KATNIP: variants seen among roughly 807,000 people sequenced by gnomAD.
KATNIP encodes katanin-interacting protein.
Under a neutral mutation model 174.0 loss-of-function variants are expected in KATNIP, and 126 were observed. The ratio of observed to expected loss-of-function variants is 0.72; its 90% confidence interval spans 0.63 to 0.84. KATNIP has a LOEUF of 0.84. KATNIP is among the 40% of genes least tolerant of loss of function. The pLI is 0.00. For missense variants in KATNIP, 1,958 were observed against 2,109.7 expected (o/e 0.93, Z 1.41); for synonymous variants, 810 against 835.7 (o/e 0.97, Z 0.53).
chr16:27,602,947 A>G (rs953475834), intron 2 of KATNIP, among the ~76,000 whole-genome samples: 1 of 152,112 alleles, frequency 6.6e-6, no homozygotes, highest in African/African-American at 2.4e-5. Flanking sequence ...TGATCCTCTC[A>G]TCTCTGCCTC....
chr16:27,715,976 TAAA>T (rs34034289), intron 13 of KATNIP, among the ~76,000 whole-genome samples: 11 of 143,832 alleles, frequency 7.6e-5, no homozygotes, highest in African/African-American at 1.8e-4. Context: ...TACATTTATT[TAAA>T]AAAAAAAAAA....
intron 8 of KATNIP, among the ~76,000 whole-genome samples, chr16:27,690,845 C>T (rs1328272480): frequency 2.0e-5 from 3 of 152,222 alleles, no homozygotes; most frequent in Non-Finnish European, 2.9e-5. Context: ...CATCACCTAG[C>T]TCCAGCCGAT....
intron 1 of KATNIP, among the ~76,000 whole-genome samples, chr16:27,572,465 CTG>C (rs1180362754): frequency 1.3e-5 from 2 of 151,882 alleles, no homozygotes; most frequent in African/African-American, 4.8e-5. Context: ...ATCCTGGCCT[CTG>C]TTAGTCTACC....
At chr16:27,604,417 T>C (rs2075636137) in intron 2 of KATNIP, among the ~76,000 whole-genome samples, 1 of 152,172 alleles carries the variant, frequency 6.6e-6, no homozygotes, top group African/African-American at 2.4e-5. Flanking sequence ...AAATTTTTAG[T>C]ACAGACAGAG....
Position 27,740,762 on chromosome 16 carries a change from C to T in KATNIP, c.2465C>T (p.Thr822Ile), listed in dbSNP as rs2081074664. 1.9e-6 allele frequency: 3 copies of T among 1,613,978 alleles called. No individual in the cohort carries two copies. Among genetic ancestry groups the T allele is most frequent in the Non-Finnish European group, 8.5e-7 (1 of 1,180,040 alleles). ...PGWGTSRSVN[T>I]KERPQRATTK... ...TGGGGGACCAGCCGGAGTGTCAACA[C>T]CAAGGAGAGACCCCAGAGGGCAACC... The change falls in exon 15 of 28, where the codon ACC becomes ATC. Residue 822 changes from threonine to isoleucine, a missense_variant. By Grantham distance (89) the Thr-to-Ile change is moderately conservative (BLOSUM62 -1). Around this residue, in one of 3 missense-constraint regions of KATNIP, gnomAD observed 1,557 missense variants for 1,617.8 expected, o/e 0.96. Transcript: ENST00000261588.
At chr16:27,750,424 T>A (rs535730172) in intron 16 of KATNIP, 118 bp downstream of exon 16, 1 of 1,052,226 alleles carries the variant, frequency 9.5e-7, no homozygotes, top group African/African-American at 1.6e-5. Context: ...TCTTTCTTTT[T>A]TTTTTTTTTT....
chr16:27,633,863 A>G (rs79874587), intron 5 of KATNIP, among the ~76,000 whole-genome samples: 3,341 of 152,256 alleles, frequency 0.022, 140 homozygotes, highest in African/African-American at 0.077. Context: ...AAACCCAGTG[A>G]TCTTTCTGCC....
chr16:27,707,087 C>A (rs979858367), intron 12 of KATNIP, among the ~76,000 whole-genome samples: 1 of 152,182 alleles, frequency 6.6e-6, no homozygotes, highest in African/African-American at 2.4e-5. Context: ...GCGTTCCCAC[C>A]GTGTGGCAAT....
intron 6 of KATNIP, among the ~76,000 whole-genome samples, chr16:27,654,154 T>G (rs2077197672): frequency 6.6e-6 from 1 of 152,082 alleles, no homozygotes; most frequent in South Asian, 2.1e-4. Context: ...TTTTGAATTT[T>G]TAGTAGAGAT....
rs2082602161 is a variant in KATNIP at position 27,778,963 on chromosome 16, A to G, written c.*334A>G. ...GACCCTGACTCAGAACAGGACAATG[A>G]CGGGGTGGGGAGGCATCCCATCCAG... On this transcript the variant is annotated 3_prime_UTR_variant, in exon 28 of 28. Transcript: ENST00000261588. The G allele has an allele frequency of 1.5e-5, 4 of 259,956 alleles. No homozygotes were observed. Among genetic ancestry groups the G allele is most frequent in the Non-Finnish European group, 2.9e-5 (4 of 138,256 alleles). 16.1% of individuals were successfully genotyped at this position (259,956 alleles called of 1,614,324 possible). A position where few individuals can be genotyped will look rare whatever the true frequency, so the allele number is the denominator to read the frequency against.
intron 8 of KATNIP, chr16:27,687,422 G>A (rs1333717794): frequency 1.3e-5 from 2 of 151,854 alleles, no homozygotes; most frequent in Non-Finnish European, 1.5e-5. Flanking sequence ...CCTTTTGCTT[G>A]TACCCCATAA....
chr16:27,689,642 T>G (rs1035254771), intron 8 of KATNIP, among the ~76,000 whole-genome samples: 17 of 152,096 alleles, frequency 1.1e-4, no homozygotes, highest in Admixed American at 1.0e-3. Context: ...GCTTTAGAGA[T>G]GAGAAGAACA....
chr16:27,778,526 G>A (rs1408242685), intron 27 of KATNIP, 48 bp from the exon 28 acceptor site: 1 of 1,592,204 alleles, frequency 6.3e-7, no homozygotes, highest in Admixed American at 1.7e-5. Flanking sequence ...CACCCCTCCA[G>A]GGTTTGAGAC....
chr16:27,687,943 C>T lies in KATNIP; in HGVS notation c.940+6413C>T, dbSNP rs182582099. On this transcript the variant is annotated intron_variant, in intron 8 of 27. Coordinates refer to ENST00000261588, the MANE Select transcript of KATNIP (RefSeq NM_015202.5). ...AACAGTAAGTGACAGAAACCCTAATCAGCCCAAGCAACAAAGGAGAATGTC... is the reference window on the plus strand; with the variant it reads ...AACAGTAAGTGACAGAAACCCTAATTAGCCCAAGCAACAAAGGAGAATGTC... Among the ~76,000 whole-genome samples the T allele has an allele frequency of 1.0e-3, 159 of 152,178 alleles. 1 individual carries two copies. The highest frequency in any genetic ancestry group is 2.1e-3 in the Admixed American group (32 of 15,282).
chr16:27,773,165 A>G lies in KATNIP; in HGVS notation c.4265A>G (p.Glu1422Gly). 2 of 1,612,576 alleles carry G rather than the reference A, an allele frequency of 1.2e-6. No homozygotes were observed. The highest frequency in any genetic ancestry group is 1.7e-6 in the Non-Finnish European group (2 of 1,179,354). Residue 1422 changes from glutamate to glycine, a missense_variant, in exon 23 of 28, where the codon GAG becomes GGG. Physicochemically the swap from Glu to Gly is moderately conservative, Grantham distance 98. Transcript: ENST00000261588. ...TACTACATCGGCCTCACCGGCCTGG[A>G]GCTGTATGACGAGCGAGGAGAAAAA... ...DPYYIGLTGL[E>G]LYDERGEKIP...
At chr16:27,651,777 T>A (rs1000620210) in intron 6 of KATNIP, among the ~76,000 whole-genome samples, 1 of 152,226 alleles carries the variant, frequency 6.6e-6, no homozygotes. Flanking sequence ...CAGAGTGCAG[T>A]GGTGCGATCT....
chr16:27,662,488 G>A (rs2077559137), intron 6 of KATNIP, among the ~76,000 whole-genome samples: 1 of 152,112 alleles, frequency 6.6e-6, no homozygotes, highest in Admixed American at 6.6e-5. Flanking sequence ...ATTAGAAAGG[G>A]CCCTGGGCAG....
At chr16:27,671,923 G>A (rs2077921973) in intron 6 of KATNIP, among the ~76,000 whole-genome samples, 1 of 152,150 alleles carries the variant, frequency 6.6e-6, no homozygotes, top group Non-Finnish European at 1.5e-5. Flanking sequence ...GGGTGTGGTG[G>A]CGGGCGCCTG....
At chr16:27,744,134 C>G (rs957710259) in intron 15 of KATNIP, among the ~76,000 whole-genome samples, 2 of 152,112 alleles carry the variant, frequency 1.3e-5, no homozygotes, top group Non-Finnish European at 2.9e-5. Flanking sequence ...GTAGCCATGC[C>G]CTTCCGGAAA....
Sources: allele counts gnomAD v4.1 joint callset (sites outside exome capture counted in the v4.1 genomes callset), GRCh38; gene constraint gnomAD v4.1.1; regional missense constraint gnomAD v4.1.1; transcripts MANE v1.5; gene names NCBI Gene and HGNC (gene_info 2026-07-23, HGNC 2026-07-21).